Variants in LANCL2 observed in about 807,000 individuals in gnomAD.
LANCL2 encodes lanC-like protein 2.
A neutral mutation model predicts 56.9 loss-of-function variants in LANCL2; 33 were observed. The ratio of observed to expected loss-of-function variants is 0.58; its 90% confidence interval spans 0.44 to 0.78. The LOEUF (loss-of-function observed/expected upper bound fraction) is 0.78, where lower values mean the gene tolerates loss of function less well. LANCL2 is among the 30% of genes least tolerant of loss of function. The probability of loss-of-function intolerance (pLI) is 0.00; values close to 1 mark genes in which losing one functional copy is unlikely to be tolerated. For synonymous variants in LANCL2, 233 were observed against 228.2 expected (o/e 1.02, Z -0.19); for missense variants, 562 against 580.2 (o/e 0.97, Z 0.32).
chr7:55,409,491 C>T (rs1790449085), intron 5 of LANCL2, among the ~76,000 whole-genome samples: 1 of 152,120 alleles, frequency 6.6e-6, no homozygotes, highest in South Asian at 2.1e-4. Context: ...AACATCCTGT[C>T]CCCCAAATTT....
At chr7:55,407,234 A>G (rs1392155595) in intron 5 of LANCL2, among the ~76,000 whole-genome samples, 1 of 152,156 alleles carries the variant, frequency 6.6e-6, no homozygotes, top group East Asian at 1.9e-4. Flanking sequence ...GTTGGAGTGA[A>G]GCACAGAACT....
chr7:55,411,235 A>T (rs1790466991), intron 5 of LANCL2: 1 of 152,178 alleles, frequency 6.6e-6, no homozygotes. Flanking sequence ...GTCCTTTTAA[A>T]AAAACAGTGC....
intron 1 of LANCL2, among the ~76,000 whole-genome samples, chr7:55,378,274 A>G (rs1350742122): frequency 2.6e-5 from 4 of 152,180 alleles, no homozygotes; most frequent in African/African-American, 9.7e-5. Flanking sequence ...ATTCTGGCCA[A>G]CATGGGGAAA....
rs536630846 is a variant in LANCL2 at position 55,399,407 on chromosome 7, G to A, written c.531-550G>A. On this transcript the variant is annotated intron_variant, in intron 3 of 8. Coordinates refer to ENST00000254770, the MANE Select transcript of LANCL2 (RefSeq NM_018697.4). ...TGCCCAGGCTGGAGTGCAATGGCGC[G>A]ATCTCAGCTCACTGCAACGTCCGCC... Among the ~76,000 whole-genome samples the A allele has an allele frequency of 3.2e-4, 48 of 148,584 alleles. 2 individuals are homozygous for A. Among genetic ancestry groups the A allele is most frequent in the Middle Eastern group, 6.9e-3 (2 of 288 alleles).
chr7:55,401,515 CTTTTTTTTTTTTTTTT>C (rs58005456), intron 5 of LANCL2, among the ~76,000 whole-genome samples, 195 bp downstream of exon 5: 1,096 of 58,088 alleles, frequency 0.019, 11 homozygotes, highest in Middle Eastern at 0.035. Context: ...GGTATGGAGT[CTTTTTTTTTTTTTTTT>C]TTTTTTTTTT....
chr7:55,433,183 G>A lies in LANCL2; in HGVS notation c.*1863G>A, dbSNP rs1041527989. 3 of 152,352 alleles carry A rather than the reference G, an allele frequency of 2.0e-5. No individual in the cohort carries two copies. Among genetic ancestry groups the A allele is most frequent in the Admixed American group, 2.0e-4 (3 of 15,294 alleles). The allele number at this position is 152,352 out of a possible 1,614,324, so 9.4% of individuals were successfully genotyped here. The stretch of plus-strand genomic sequence containing the variant: ...ACGAGGAGGCAGCGGGTGCAGCCAG[G>A]TGTCTGCAGAGCAGCCACAAAGGTG... On this transcript the variant is annotated 3_prime_UTR_variant, in exon 9 of 9. Coordinates refer to ENST00000254770, the MANE Select transcript of LANCL2 (RefSeq NM_018697.4).
intron 8 of LANCL2, among the ~76,000 whole-genome samples, chr7:55,430,490 A>T (rs1446710219): frequency 6.6e-6 from 1 of 152,188 alleles, no homozygotes; most frequent in African/African-American, 2.4e-5. Context: ...GGGACTGGAG[A>T]GGGGCACTTG....
At chr7:55,380,211 C>T (rs1016769000) in intron 1 of LANCL2, among the ~76,000 whole-genome samples, 6 of 152,132 alleles carry the variant, frequency 3.9e-5, no homozygotes, top group Non-Finnish European at 5.9e-5. Flanking sequence ...AAGTCGTATT[C>T]AGTACTTTTA....
intron 2 of LANCL2, among the ~76,000 whole-genome samples, chr7:55,398,146 TGTC>T (rs777964057): frequency 4.3e-4 from 65 of 152,310 alleles, no homozygotes; most frequent in Non-Finnish European, 7.1e-4. Flanking sequence ...TATCTTCTGT[TGTC>T]TGTGAATAAG....
intron 5 of LANCL2, among the ~76,000 whole-genome samples, chr7:55,402,827 T>C (rs1790356370): frequency 7.2e-6 from 1 of 138,698 alleles, no homozygotes; most frequent in Non-Finnish European, 1.6e-5. Flanking sequence ...GAGACGCTCC[T>C]CACATCCCAG....
chr7:55,419,536 C>T (rs186524881), intron 6 of LANCL2, among the ~76,000 whole-genome samples: 56 of 151,304 alleles, frequency 3.7e-4, no homozygotes, highest in African/African-American at 1.3e-3. Flanking sequence ...CATGTAGTCG[C>T]GATTACAGAC....
At chr7:55,429,887 A>G (rs1790709202) in intron 8 of LANCL2, among the ~76,000 whole-genome samples, 1 of 152,248 alleles carries the variant, frequency 6.6e-6, no homozygotes, top group East Asian at 1.9e-4. Flanking sequence ...GACTCTCACC[A>G]AATTCCCGTC....
chr7:55,426,537 G>A (rs757026181), intron 7 of LANCL2, among the ~76,000 whole-genome samples: 3 of 152,126 alleles, frequency 2.0e-5, no homozygotes, highest in Non-Finnish European at 4.4e-5. Context: ...GCCCTACCTC[G>A]TTGGTGCACT....
intron 1 of LANCL2, among the ~76,000 whole-genome samples, chr7:55,388,413 G>A (rs1790148801): frequency 6.6e-6 from 1 of 152,158 alleles, no homozygotes; most frequent in African/African-American, 2.4e-5. Flanking sequence ...AGGTGTGGTG[G>A]TGCATGCCTG....
intron 7 of LANCL2, among the ~76,000 whole-genome samples, chr7:55,427,773 A>G (rs1189353762): frequency 6.6e-6 from 1 of 152,248 alleles, no homozygotes; most frequent in African/African-American, 2.4e-5. Flanking sequence ...CTTAGGCACA[A>G]AAGGGAAGTT....
rs1368392240 is a variant in LANCL2 at position 55,391,909 on chromosome 7, A to G, written c.321A>G (p.Thr107=). 1.0e-5 allele frequency: 16 copies of G among 1,525,522 alleles called. No individual in the cohort carries two copies. The South Asian group carries it at 1.7e-4, about 16-fold the overall frequency. 94.5% of individuals were successfully genotyped at this position (1,525,522 alleles called of 1,614,324 possible). Reference sequence around the variant, plus strand: ...ACTGCTCTGCTTATACTGGCTGGACAGGTGAGGCTGTGGGGTCTAAATCAC... The same window carrying G: ...ACTGCTCTGCTTATACTGGCTGGACGGGTGAGGCTGTGGGGTCTAAATCAC... ...PHDCSAYTGW[T]GIALLYLQLY... Residue 107 remains threonine, a splice_region_variant and synonymous_variant, in exon 2 of 9, where the codon ACA becomes ACG. Transcript: ENST00000254770.
intron 5 of LANCL2, among the ~76,000 whole-genome samples, chr7:55,402,773 C>T (rs1790354949): frequency 8.1e-6 from 1 of 123,980 alleles, no homozygotes; most frequent in South Asian, 2.4e-4. Flanking sequence ...GGGGCGGTTG[C>T]CGGGCGGAGG....
intron 6 of LANCL2, 91 bp from the exon 7 acceptor site, chr7:55,425,163 C>A: frequency 1.5e-6 from 2 of 1,293,200 alleles, no homozygotes; most frequent in Non-Finnish European, 2.2e-6. Flanking sequence ...TTCCTAATAT[C>A]ATGCCATATT....
chr7:55,425,479 C>T, intron 7 of LANCL2, 49 bp downstream of exon 7: 5 of 1,550,568 alleles, frequency 3.2e-6, no homozygotes, highest in Non-Finnish European at 4.4e-6. Flanking sequence ...CGAGTGTGCA[C>T]AGAATCCAGA....
Sources: gnomAD v4.1 joint callset for allele counts (sites outside exome capture counted in the v4.1 genomes callset) on GRCh38, gnomAD v4.1.1 for gene constraint, MANE v1.5 for transcripts, NCBI Gene and HGNC (gene_info 2026-07-23, HGNC 2026-07-21) for gene names.